GPATCH2: variants seen among roughly 807,000 people sequenced by gnomAD.
GPATCH2 encodes G patch domain-containing protein 2.
A neutral mutation model predicts 58.0 loss-of-function variants in GPATCH2; 51 were observed. The ratio of observed to expected loss-of-function variants is 0.88; its 90% confidence interval spans 0.70 to 1.11. The LOEUF (loss-of-function observed/expected upper bound fraction) is 1.11, where lower values mean the gene tolerates loss of function less well. GPATCH2 is among the 50% of genes most tolerant of loss of function. The pLI is 0.00. For synonymous variants in GPATCH2, 222 were observed against 218.5 expected, an observed-to-expected ratio of 1.02 and a Z score of -0.14; for missense variants, 625 against 652.2, an observed-to-expected ratio of 0.96 and a Z score of 0.45.
chr1:217,603,875 G>A (rs1366386059), intron 5 of GPATCH2, among the ~76,000 whole-genome samples: 1 of 151,860 alleles, frequency 6.6e-6, no homozygotes, highest in African/African-American at 2.4e-5. Flanking sequence ...CATCTGCCTT[G>A]GCCTCCCAAA....
Position 217,619,889 on chromosome 1 carries a change from T to A in GPATCH2, c.667A>T (p.Ile223Phe). 1.2e-6 allele frequency: 2 copies of A among 1,613,560 alleles called. No homozygotes were observed. The highest frequency in any genetic ancestry group is 2.2e-5 in the East Asian group (1 of 44,876). Reference protein sequence around the residue: ...KLKIIRQGPKIQDEGVVLESE... With the variant: ...KLKIIRQGPKFQDEGVVLESE... ...TCTAAAACTACTCCTTCATCTTGGA[T>A]TTTTGGTCCTTGTCTGATTATTTTC... Residue 223 changes from isoleucine to phenylalanine, a missense_variant, in exon 2 of 10, where the codon ATC (isoleucine) becomes TTC (phenylalanine). By Grantham distance (21) the Ile-to-Phe change is conservative. Transcript: ENST00000366935.
intron 5 of GPATCH2, among the ~76,000 whole-genome samples, chr1:217,525,778 C>A (rs528429203): frequency 3.3e-5 from 5 of 152,086 alleles, no homozygotes; most frequent in African/African-American, 1.2e-4. Flanking sequence ...TGAGACTCAG[C>A]AAACATGTTT....
At position 217,525,008 on chromosome 1, in the gene GPATCH2, ATTT is replaced by A. The variant is rs201374200; in HGVS notation, c.1099-10122_1099-10120del. 3.6e-3 allele frequency among the ~76,000 whole-genome samples: 513 copies of A among 144,382 alleles called. 4 individuals carry two copies. The highest frequency in any genetic ancestry group is 0.012 in the African/African-American group (476 of 39,422). The allele number at this position is 144,382 out of a possible 152,430, so 94.7% of individuals were successfully genotyped here. Reference sequence around the variant, plus strand: ...CTTCTCGTGTGTGGGAAAATTTGGAATTTTTATTTATCTATTTAAATATATAAT... The same window carrying A: ...CTTCTCGTGTGTGGGAAAATTTGGAATTATTTATCTATTTAAATATATAAT... On this transcript the variant is annotated intron_variant, in intron 5 of 9. Coordinates refer to ENST00000366935, the MANE Select transcript of GPATCH2 (RefSeq NM_018040.5).
chr1:217,563,200 G>A lies in GPATCH2; in HGVS notation c.1098+47121C>T, dbSNP rs553635664. 4.6e-5 allele frequency among the ~76,000 whole-genome samples: 7 copies of A among 152,130 alleles called. No homozygotes were observed. The East Asian group carries it at 1.2e-3, about 25-fold the overall frequency. ...GCATTAAGCCAGAAGATTCTCCAAT[G>A]GAGCAACAATTTATCTTGTAGTTAT... On this transcript the variant is annotated intron_variant, in intron 5 of 9. Transcript: ENST00000366935.
chr1:217,597,692 C>T (rs908854569), intron 5 of GPATCH2, among the ~76,000 whole-genome samples: 1 of 152,152 alleles, frequency 6.6e-6, no homozygotes, highest in Non-Finnish European at 1.5e-5. Flanking sequence ...TCATGATACC[C>T]TTTTACTAAA....
chr1:217,431,270 G>A lies in GPATCH2; in HGVS notation c.1462C>T (p.Arg488Ter), dbSNP rs753746760. Reference sequence around the variant, plus strand: ...GGCTCAGAGATCCCCTTGCCATCTCGTCCAAGGCCTGACCCAGGCGTCCAG... The same window carrying A: ...GGCTCAGAGATCCCCTTGCCATCTCATCCAAGGCCTGACCCAGGCGTCCAG... The part of the protein sequence containing the change: ...MGWTPGSGLG[R>*]DGKGISEPIQ... The change falls in exon 10 of 10, where the codon CGA becomes TGA. Residue 488 changes from arginine to a stop codon, truncating the protein, a stop_gained. Transcript: ENST00000366935. LOFTEE classifies it high-confidence loss of function. 41 of 1,604,090 alleles carry A rather than the reference G, an allele frequency of 2.6e-5. No individual in the cohort carries two copies. Among genetic ancestry groups the A allele is most frequent in the Admixed American group, 1.0e-4 (6 of 59,984 alleles).
chr1:217,566,038 T>A (rs1259646042), intron 5 of GPATCH2, among the ~76,000 whole-genome samples: 33 of 140,824 alleles, frequency 2.3e-4, no homozygotes, highest in Non-Finnish European at 3.0e-5. Flanking sequence ...GAGGCAGAGG[T>A]TGTGGTGAGC....
chr1:217,620,146 C>T lies in GPATCH2; in HGVS notation c.410G>A (p.Arg137Gln). 2 of 1,614,034 alleles carry T rather than the reference C, an allele frequency of 1.2e-6. No homozygotes were observed. The highest frequency in any genetic ancestry group is 2.2e-5 in the East Asian group (1 of 44,880). ...CTCATGCCATAGAGGTCTTTTCCCTCGAACATTATTATTTAAGTTTGATGA... is the reference window on the plus strand; with the variant it reads ...CTCATGCCATAGAGGTCTTTTCCCTTGAACATTATTATTTAAGTTTGATGA... Reference protein sequence around the residue: ...RPSSNLNNNVRGKRPLWHESD... With the variant: ...RPSSNLNNNVQGKRPLWHESD... Residue 137 changes from arginine (R) to glutamine (Q), a missense_variant, in exon 2 of 10, where the codon CGA becomes CAA. Coordinates refer to ENST00000366935, the MANE Select transcript of GPATCH2 (RefSeq NM_018040.5).
At chr1:217,506,388 A>G (rs1284476063) in intron 6 of GPATCH2, among the ~76,000 whole-genome samples, 1 of 152,222 alleles carries the variant, frequency 6.6e-6, no homozygotes, top group East Asian at 1.9e-4. Context: ...ACAAAGAAGT[A>G]GAAATATATG....
At chr1:217,556,645 C>T (rs1665639947) in intron 5 of GPATCH2, among the ~76,000 whole-genome samples, 1 of 152,138 alleles carries the variant, frequency 6.6e-6, no homozygotes, top group Non-Finnish European at 1.5e-5. Context: ...CAGTTTTATA[C>T]TATTACAAAG....
At chr1:217,595,325 G>A (rs1176427553) in intron 5 of GPATCH2, among the ~76,000 whole-genome samples, 1 of 151,980 alleles carries the variant, frequency 6.6e-6, no homozygotes, top group Non-Finnish European at 1.5e-5. Context: ...TTTGAGACAG[G>A]CAACATTGAA....
intron 9 of GPATCH2, among the ~76,000 whole-genome samples, chr1:217,438,802 T>C (rs1435948105): frequency 6.6e-6 from 1 of 152,148 alleles, no homozygotes; most frequent in Non-Finnish European, 1.5e-5. Flanking sequence ...TTCAGGATAT[T>C]ATCCAGGAGA....
At chr1:217,485,443 G>C (rs1173000544) in intron 8 of GPATCH2, among the ~76,000 whole-genome samples, 2 of 149,990 alleles carry the variant, frequency 1.3e-5, no homozygotes, top group Admixed American at 6.6e-5. Flanking sequence ...TACGGTGTTA[G>C]GTGTGGGTTG....
chr1:217,559,952 GATTCT>G (rs1558484202), intron 5 of GPATCH2, among the ~76,000 whole-genome samples: 1 of 152,034 alleles, frequency 6.6e-6, no homozygotes, highest in African/African-American at 2.4e-5. Context: ...TGGTTCAAGC[GATTCT>G]CCTGCCTCAG....
chr1:217,567,373 A>G (rs1666302661), intron 5 of GPATCH2, among the ~76,000 whole-genome samples: 1 of 152,072 alleles, frequency 6.6e-6, no homozygotes, highest in South Asian at 2.1e-4. Context: ...TACATCTACC[A>G]TTTGCTTAAG....
chr1:217,464,234 C>T (rs1338125850), intron 8 of GPATCH2, among the ~76,000 whole-genome samples: 1 of 152,114 alleles, frequency 6.6e-6, no homozygotes, highest in Non-Finnish European at 1.5e-5. Flanking sequence ...CTGAAAACCC[C>T]TGGACACCAA....
intron 5 of GPATCH2, among the ~76,000 whole-genome samples, chr1:217,554,014 G>A (rs1429638053): frequency 6.6e-6 from 1 of 152,124 alleles, no homozygotes; most frequent in Non-Finnish European, 1.5e-5. Flanking sequence ...CGTCCAGATG[G>A]GACCAACTGG....
rs1658435912 is a variant in GPATCH2 at position 217,429,399 on chromosome 1, A to C, written c.*1746T>G. 1 of 152,158 alleles carries C rather than the reference A, an allele frequency of 6.6e-6. No individual in the cohort carries two copies. The highest frequency in any genetic ancestry group is 6.5e-5 in the Admixed American group (1 of 15,272). 9.4% of individuals were successfully genotyped at this position (152,158 alleles called of 1,614,324 possible). On this transcript the variant is annotated 3_prime_UTR_variant, in exon 10 of 10. Coordinates refer to ENST00000366935, the MANE Select transcript of GPATCH2 (RefSeq NM_018040.5). Reference sequence around the variant, plus strand: ...CTGGGAAAGAAGATAATTCTCAAGAAATGTACATTTGGCAAACCGTGAAGG... The same window carrying C: ...CTGGGAAAGAAGATAATTCTCAAGACATGTACATTTGGCAAACCGTGAAGG...
At chr1:217,546,361 T>C (rs1665049094) in intron 5 of GPATCH2, among the ~76,000 whole-genome samples, 1 of 152,128 alleles carries the variant, frequency 6.6e-6, no homozygotes, top group South Asian at 2.1e-4. Flanking sequence ...CTTCAAAGTA[T>C]ACTACAGGGC....
Sources: allele counts gnomAD v4.1 joint callset (sites outside exome capture counted in the v4.1 genomes callset), GRCh38; gene constraint gnomAD v4.1.1; transcripts MANE v1.5; gene names NCBI Gene and HGNC (gene_info 2026-07-23, HGNC 2026-07-21).